NCF2: variants seen among roughly 807,000 people sequenced by gnomAD.
The protein encoded by NCF2 is neutrophil cytosolic factor 2, also known as neutrophil cytosol factor 2.
A neutral mutation model predicts 70.9 loss-of-function variants in NCF2; 45 were observed. The ratio of observed to expected loss-of-function variants is 0.63; its 90% CI spans 0.50 to 0.81. The LOEUF is 0.81. NCF2 is among the 40% of genes least tolerant of loss of function. NCF2 has a pLI of 0.00. For missense variants in NCF2, 522 were observed against 631.6 expected, an observed-to-expected ratio of 0.83 and a Z score of 1.86; for synonymous variants, 203 against 233.6, an observed-to-expected ratio of 0.87 and a Z score of 1.19.
chr1:183,578,220 A>G (rs556179173), intron 2 of NCF2, among the ~76,000 whole-genome samples: 8 of 151,584 alleles, frequency 5.3e-5, no homozygotes, highest in Non-Finnish European at 1.0e-4. Flanking sequence ...GCCTTCGCCC[A>G]TGGCTTCTTT....
In NCF2 at chr1:183,590,306, GC is replaced by G; in HGVS notation, c.23del (p.Ser8ThrfsTer43). 1 of 1,614,058 alleles carries G rather than the reference GC, an allele frequency of 6.2e-7. No homozygotes were observed. Among genetic ancestry groups the G allele is most frequent in the East Asian group, 2.2e-5 (1 of 44,866 alleles). On this transcript the variant is annotated frameshift_variant, in exon 1 of 15. Coordinates refer to ENST00000367535, the MANE Select transcript of NCF2 (RefSeq NM_000433.4). LOFTEE classifies it high-confidence loss of function. ...CTGCCAGCACCCCTTCATTCCAGAG[GC>G]TGATGGCCTCCACCAGGGACATGAT... Reference protein sequence around the residue: MSLVEAISLWNEGVLAAD... With the variant: MSLVEAIXLWNEGVLAAD...
At chr1:183,560,842 A>T (rs1242031188) in intron 13 of NCF2, among the ~76,000 whole-genome samples, 1 of 152,262 alleles carries the variant, frequency 6.6e-6, no homozygotes, top group Non-Finnish European at 1.5e-5. Flanking sequence ...TAATCTTGAG[A>T]CAGGTAGAAT....
At chr1:183,601,419 CAT>C in the NCF2 span, among the ~76,000 whole-genome samples, 5 of 152,180 alleles carry the variant, frequency 3.3e-5, no homozygotes, top group Non-Finnish European at 5.9e-5. Context: ...CGTCTGTAAA[CAT>C]ATTTATAGGA....
At chr1:183,580,127 G>A (rs1280549432) in intron 2 of NCF2, among the ~76,000 whole-genome samples, 1 of 152,184 alleles carries the variant, frequency 6.6e-6, no homozygotes, top group African/African-American at 2.4e-5. Context: ...TTAGGGTTGA[G>A]GTAAGTCACA....
intron 2 of NCF2, among the ~76,000 whole-genome samples, chr1:183,581,720 G>A (rs1004401782): frequency 6.6e-6 from 1 of 151,610 alleles, no homozygotes; most frequent in African/African-American, 2.4e-5. Flanking sequence ...CCTGGCTGGA[G>A]TGCAGTGGCG....
At chr1:183,570,705 A>T (rs1442822676) in intron 6 of NCF2, 75 bp downstream of exon 6, 2 of 1,491,358 alleles carry the variant, frequency 1.3e-6, no homozygotes, top group East Asian at 2.3e-5. Flanking sequence ...CTCAGCACAC[A>T]TAGTCTCTCG....
rs1027502244 is a variant in NCF2 at position 183,579,498 on chromosome 1, G to A, written c.258-1791C>T. Among the ~76,000 whole-genome samples the A allele has an allele frequency of 3.3e-5, 5 of 151,938 alleles. No individual in the cohort carries two copies. In the South Asian group the frequency reaches 6.2e-4, roughly 19 times the overall value. On this transcript the variant is annotated intron_variant, in intron 2 of 14. Coordinates refer to ENST00000367535, the MANE Select transcript of NCF2 (RefSeq NM_000433.4). ...TCCCAGCACTTTGGGAGACCGAGGC[G>A]GGTGGATCACGAGGTCAGGAGATCG... is the stretch of plus-strand genomic sequence containing the variant.
At chr1:183,572,238 G>A (rs865932662) in intron 5 of NCF2, among the ~76,000 whole-genome samples, 17 of 152,204 alleles carry the variant, frequency 1.1e-4, no homozygotes, top group African/African-American at 3.1e-4. Context: ...AGGCTGGAGT[G>A]CAATGGCATG....
intron 2 of NCF2, among the ~76,000 whole-genome samples, chr1:183,578,039 T>G (rs1672880192): frequency 6.6e-6 from 1 of 152,192 alleles, no homozygotes; most frequent in Admixed American, 6.5e-5. Context: ...TCATTCTCTC[T>G]TGAGAGCTCC....
At chr1:183,564,780 G>T (rs1407129284) in intron 10 of NCF2, among the ~76,000 whole-genome samples, 1 of 152,208 alleles carries the variant, frequency 6.6e-6, no homozygotes, top group Admixed American at 6.5e-5. Context: ...AGCAACGGGA[G>T]AAATTTGAAT....
chr1:183,556,234 A>C lies in NCF2; in HGVS notation c.1469-4T>G. The C allele has an allele frequency of 6.2e-7, 1 of 1,612,098 alleles. No individual in the cohort carries two copies. The highest frequency in any genetic ancestry group is 8.5e-7 in the Non-Finnish European group (1 of 1,178,128). ...CCTTCCAGCCATTCTTCATTCACTGATAAAAGGAAAAGTACACATGGATTT... is the reference window on the plus strand; with the variant it reads ...CCTTCCAGCCATTCTTCATTCACTGCTAAAAGGAAAAGTACACATGGATTT... On this transcript the variant is annotated splice_polypyrimidine_tract_variant and splice_region_variant and intron_variant, in intron 14 of 14. Transcript: ENST00000367535.
intron 3 of NCF2, among the ~76,000 whole-genome samples, chr1:183,577,110 A>G (rs1672832257): frequency 6.6e-6 from 1 of 152,248 alleles, no homozygotes; most frequent in Admixed American, 6.5e-5. Context: ...GTATCAATCA[A>G]GTACATGGGG....
chr1:183,600,895 G>T, the NCF2 span, among the ~76,000 whole-genome samples: 4 of 152,180 alleles, frequency 2.6e-5, no homozygotes, highest in Admixed American at 2.6e-4. Flanking sequence ...CCCACTGACC[G>T]CATCAGAGCT....
chr1:183,572,922 C>T (rs1672632370), intron 5 of NCF2, among the ~76,000 whole-genome samples: 1 of 152,204 alleles, frequency 6.6e-6, no homozygotes, highest in African/African-American at 2.4e-5. Flanking sequence ...GGCTCAGTCC[C>T]TAAGACTCAG....
chr1:183,589,060 G>A (rs148112860), intron 1 of NCF2, among the ~76,000 whole-genome samples: 96 of 152,344 alleles, frequency 6.3e-4, no homozygotes, highest in African/African-American at 2.1e-3. Flanking sequence ...GAGGTGGGGG[G>A]TCCTGCCATG....
the NCF2 span, among the ~76,000 whole-genome samples, chr1:183,599,487 T>TCTTTCTTTCTTTC: frequency 6.7e-6 from 1 of 150,342 alleles, no homozygotes; most frequent in African/African-American, 2.5e-5. Context: ...TCTTTCTCTT[T>TCTTTCTTTCTTTC]TCTTTCTTTC....
At chr1:183,569,366 A>G (rs1452619333) in intron 6 of NCF2, 181 bp from the exon 7 acceptor site, 5 of 662,328 alleles carry the variant, frequency 7.5e-6, no homozygotes, top group Middle Eastern at 2.6e-4. Flanking sequence ...AACACTGGGA[A>G]ATAACACCTC....
chr1:183,567,615 C>T (rs1050459216), intron 7 of NCF2: 1 of 524,326 alleles, frequency 1.9e-6, no homozygotes, highest in Non-Finnish European at 3.5e-6. Flanking sequence ...AATCCTTGCC[C>T]TCCCTTCTGC....
the NCF2 span, among the ~76,000 whole-genome samples, chr1:183,598,485 A>T: frequency 6.6e-6 from 1 of 152,148 alleles, no homozygotes; most frequent in Non-Finnish European, 1.5e-5. Flanking sequence ...CAGATGATGG[A>T]AGCCATGGCT....
Sources: gnomAD v4.1 joint callset for allele counts (sites outside exome capture counted in the v4.1 genomes callset) on GRCh38, gnomAD v4.1.1 for gene constraint, MANE v1.5 for transcripts, NCBI Gene and HGNC (gene_info 2026-07-23, HGNC 2026-07-21) for gene names.